Variants in NAALADL2 observed in about 807,000 individuals in gnomAD.
NAALADL2 encodes the protein N-acetylated alpha-linked acidic dipeptidase like 2.
NAALADL2 carries 76 observed loss-of-function variants against 87.2 expected under a neutral mutation model. The ratio of observed to expected loss-of-function variants is 0.87; its 90% CI spans 0.72 to 1.05. NAALADL2 has a LOEUF of 1.05. Among genes scored for constraint, NAALADL2 ranks in the 50% least tolerant of loss-of-function variants. NAALADL2 has a pLI of 0.00. For missense variants in NAALADL2, 1,089 were observed against 945.8 expected, an observed-to-expected ratio of 1.15 and a Z score of -1.99; for synonymous variants, 354 against 331.0, an observed-to-expected ratio of 1.07 and a Z score of -0.75.
At chr3:174,867,433 T>C (rs1364942906) in intron 1 of NAALADL2, among the ~76,000 whole-genome samples, 1 of 152,012 alleles carries the variant, frequency 6.6e-6, no homozygotes. Flanking sequence ...TTTTAATATG[T>C]CACCATAAGC....
At chr3:174,760,688 A>G (rs1444143597) in intron 3 of NAALADL2, among the ~76,000 whole-genome samples, 2 of 152,170 alleles carry the variant, frequency 1.3e-5, no homozygotes, top group African/African-American at 2.4e-5. Context: ...CTTTGTGCAT[A>G]GGTTAAGTTT....
intron 11 of NAALADL2, among the ~76,000 whole-genome samples, chr3:175,665,293 G>C (rs531329494): frequency 6.6e-6 from 1 of 152,312 alleles, no homozygotes; most frequent in Non-Finnish European, 1.5e-5. Flanking sequence ...AGGTTAGCCT[G>C]AAAATGAGTA....
rs116662639 is a variant in NAALADL2, at chr3:175,000,415, G to C, written c.44-96375G>C. On this transcript the variant is annotated intron_variant, in intron 1 of 13. Transcript: ENST00000454872. ...TAGTAAATATTTTCAACTTTGCTGGGCATACAATTTCTGTCACGAGTACTC... is the reference window on the plus strand; with the variant it reads ...TAGTAAATATTTTCAACTTTGCTGGCCATACAATTTCTGTCACGAGTACTC... Among the ~76,000 whole-genome samples the C allele has an allele frequency of 7.8e-3, 1,189 of 152,142 alleles. 12 individuals carry two copies. The highest frequency in any genetic ancestry group is 0.011 in the Non-Finnish European group (715 of 67,996).
intron 9 of NAALADL2, among the ~76,000 whole-genome samples, chr3:175,495,101 T>TTTTA (rs1728636319): frequency 6.7e-6 from 1 of 148,728 alleles, no homozygotes; most frequent in East Asian, 2.0e-4. Flanking sequence ...TATTTTTTTT[T>TTTTA]AATTTTAGAT....
At chr3:175,598,661 T>TA (rs1722564521) in intron 10 of NAALADL2, among the ~76,000 whole-genome samples, 1 of 152,118 alleles carries the variant, frequency 6.6e-6, no homozygotes, top group Non-Finnish European at 1.5e-5. Context: ...CTTCAAATGT[T>TA]AAAGCACAAC....
intron 9 of NAALADL2, among the ~76,000 whole-genome samples, chr3:175,493,812 A>G (rs1410767879): frequency 2.0e-5 from 3 of 152,106 alleles, no homozygotes; most frequent in Non-Finnish European, 4.4e-5. Flanking sequence ...ATTAAAAACT[A>G]TTGTCGGAAC....
chr3:175,468,539 T>C (rs1724421380), intron 8 of NAALADL2, among the ~76,000 whole-genome samples: 1 of 152,092 alleles, frequency 6.6e-6, no homozygotes, highest in Non-Finnish European at 1.5e-5. Flanking sequence ...CCTGTAACAG[T>C]AAAGCACATA....
chr3:174,581,150 G>A (rs1716124010), intron 2 of NAALADL2, among the ~76,000 whole-genome samples: 1 of 152,148 alleles, frequency 6.6e-6, no homozygotes, highest in Admixed American at 6.6e-5. Flanking sequence ...AGAGAAATCA[G>A]CCAGGATTCA....
At chr3:175,634,585 G>A (rs958393660) in intron 11 of NAALADL2, among the ~76,000 whole-genome samples, 8 of 150,034 alleles carry the variant, frequency 5.3e-5, no homozygotes, top group African/African-American at 1.7e-4. Flanking sequence ...TTTCAAAAAT[G>A]TTAATCAGGC....
At chr3:175,448,009 A>G (rs1049182657) in intron 6 of NAALADL2, among the ~76,000 whole-genome samples, 2 of 152,092 alleles carry the variant, frequency 1.3e-5, no homozygotes, top group Non-Finnish European at 2.9e-5. Context: ...ATTTGTATCT[A>G]TTTGCTAGGA....
At chr3:174,875,386 T>C (rs1241588224) in intron 1 of NAALADL2, among the ~76,000 whole-genome samples, 2 of 152,190 alleles carry the variant, frequency 1.3e-5, no homozygotes, top group Non-Finnish European at 2.9e-5. Context: ...ATACATATAT[T>C]TGCATAGAAA....
intron 11 of NAALADL2, among the ~76,000 whole-genome samples, chr3:175,667,053 A>G (rs1190676625): frequency 6.6e-6 from 1 of 151,420 alleles, no homozygotes; most frequent in African/African-American, 2.4e-5. Context: ...ACTCCATTTT[A>G]TATTAAAAAT....
intron 1 of NAALADL2, among the ~76,000 whole-genome samples, chr3:174,463,887 C>A (rs934122241): frequency 1.3e-5 from 2 of 152,002 alleles, no homozygotes; most frequent in Admixed American, 6.6e-5. Context: ...TGTGAGCCAC[C>A]GGGCCCGGCC....
chr3:174,989,017 G>A (rs1746354768), intron 1 of NAALADL2, among the ~76,000 whole-genome samples: 1 of 152,164 alleles, frequency 6.6e-6, no homozygotes, highest in South Asian at 2.1e-4. Context: ...AAAGTGAAGA[G>A]GAACTGATGT....
intron 2 of NAALADL2, among the ~76,000 whole-genome samples, chr3:174,601,077 A>G (rs1476604132): frequency 6.6e-6 from 1 of 152,150 alleles, no homozygotes; most frequent in Non-Finnish European, 1.5e-5. Flanking sequence ...AAACAATCCA[A>G]TTATACTCTT....
chr3:175,380,194 T>TATA (rs1195674851), intron 5 of NAALADL2, among the ~76,000 whole-genome samples: 2 of 151,970 alleles, frequency 1.3e-5, no homozygotes, highest in Middle Eastern at 3.2e-3. Context: ...AAACTTAAAG[T>TATA]ATAATAATAA....
At chr3:174,607,410 T>G (rs1719221527) in intron 2 of NAALADL2, among the ~76,000 whole-genome samples, 1 of 150,936 alleles carries the variant, frequency 6.6e-6, no homozygotes, top group Admixed American at 6.6e-5. Flanking sequence ...GTGTGCTGTA[T>G]TCAGGAAACC....
In NAALADL2 at chr3:174,671,929, G is replaced by GTGATGATGATGATGA. The variant is rs57931413; in HGVS notation, c.-114-65693_-114-65679dup. Among the ~76,000 whole-genome samples the GTGATGATGATGATGA allele has an allele frequency of 3.1e-3, 471 of 150,470 alleles. 1 individual carries two copies. The highest frequency in any genetic ancestry group is 6.8e-3 in the Middle Eastern group (2 of 294). ...TCTAGTTCAATAAATGTTAACTACT[G>GTGATGATGATGATGA]TGATGATGATGATGATGATGATGAT... On this transcript the variant is annotated intron_variant, in intron 2 of 3. Transcript: ENST00000434257.
intron 11 of NAALADL2, among the ~76,000 whole-genome samples, chr3:175,662,873 GT>G (rs1461959790): frequency 6.6e-6 from 1 of 151,902 alleles, no homozygotes; most frequent in Non-Finnish European, 1.5e-5. Context: ...TTTTTAATGT[GT>G]TGTTGAATTC....
Sources: allele counts gnomAD v4.1 joint callset (sites outside exome capture counted in the v4.1 genomes callset), GRCh38; gene constraint gnomAD v4.1.1; transcripts MANE v1.5; gene names NCBI Gene and HGNC (gene_info 2026-07-23, HGNC 2026-07-21).